RAB38: variants seen among roughly 807,000 people sequenced by gnomAD.
RAB38 encodes RAB38, member RAS oncogene family.
RAB38 carries 15 observed loss-of-function variants against 18.4 expected under a neutral mutation model. The observed-to-expected ratio is 0.82, with a 90% confidence interval of 0.55 to 1.26. RAB38 has a LOEUF of 1.26. Among genes scored for constraint, RAB38 ranks in the 50% most tolerant of loss-of-function variants. The pLI is 0.00. For synonymous variants in RAB38, 101 were observed against 104.4 expected (o/e 0.97, Z 0.20); for missense variants, 294 against 267.4 (o/e 1.10, Z -0.69).
At chr11:88,073,814 G>T in the RAB38 span, among the ~76,000 whole-genome samples, 1 of 151,722 alleles carries the variant, frequency 6.6e-6, no homozygotes, top group East Asian at 1.9e-4. Flanking sequence ...GTTTATCAGA[G>T]AATTTATTGA....
chr11:88,022,621 A>AAAAAAAC, the RAB38 span, among the ~76,000 whole-genome samples: 2 of 149,554 alleles, frequency 1.3e-5, no homozygotes, highest in South Asian at 2.1e-4. Context: ...CAAAAAAAAA[A>AAAAAAAC]AAAAAAAAAA....
the RAB38 span, among the ~76,000 whole-genome samples, chr11:87,851,492 C>A: frequency 6.6e-6 from 1 of 152,170 alleles, no homozygotes; most frequent in African/African-American, 2.4e-5. Flanking sequence ...GAAAGATAAA[C>A]TGTTTTCATT....
At chr11:87,841,777 C>A in the RAB38 span, among the ~76,000 whole-genome samples, 2 of 152,144 alleles carry the variant, frequency 1.3e-5, no homozygotes, top group Non-Finnish European at 2.9e-5. Flanking sequence ...AAAAGGGGTG[C>A]TAACTGATTG....
At chr11:88,047,076 T>TA in the RAB38 span, among the ~76,000 whole-genome samples, 2 of 152,182 alleles carry the variant, frequency 1.3e-5, no homozygotes, top group African/African-American at 4.8e-5. Context: ...TAGAGGCCCT[T>TA]AAAATCACAA....
the RAB38 span, among the ~76,000 whole-genome samples, chr11:87,935,155 A>G: frequency 1.3e-5 from 2 of 152,086 alleles, no homozygotes; most frequent in African/African-American, 4.8e-5. Flanking sequence ...CTATATGACA[A>G]GTTACTGAAA....
In RAB38 at chr11:88,141,583, A is replaced by G. The variant is rs145668279; in HGVS notation, c.483+8092T>C. On this transcript the variant is annotated intron_variant, in intron 2 of 2. Coordinates refer to ENST00000243662, the MANE Select transcript of RAB38 (RefSeq NM_022337.3). ...AATATGGTCATCCTTTGATTTTTGG[A>G]CATTACTAAGAAACTGTTGAATCTT... Among the ~76,000 whole-genome samples the G allele has an allele frequency of 3.4e-3, 515 of 152,300 alleles. 5 individuals carry two copies. The highest frequency in any genetic ancestry group is 0.012 in the African/African-American group (481 of 41,556).
chr11:88,097,480 T>C, the RAB38 span, among the ~76,000 whole-genome samples: 1 of 151,734 alleles, frequency 6.6e-6, no homozygotes, highest in South Asian at 2.1e-4. Flanking sequence ...TAACCAAGAA[T>C]AGAGAGTGGA....
At chr11:88,134,004 A>C (rs1942799727) in intron 2 of RAB38, among the ~76,000 whole-genome samples, 1 of 152,208 alleles carries the variant, frequency 6.6e-6, no homozygotes, top group Non-Finnish European at 1.5e-5. Context: ...TTCCCAAGGT[A>C]ATCTCATTCC....
At chr11:87,927,069 T>C in the RAB38 span, among the ~76,000 whole-genome samples, 2 of 152,016 alleles carry the variant, frequency 1.3e-5, no homozygotes, top group Non-Finnish European at 2.9e-5. Context: ...TCATACTCAT[T>C]TATCGCAGGA....
At chr11:88,057,302 C>T in the RAB38 span, among the ~76,000 whole-genome samples, 6 of 152,168 alleles carry the variant, frequency 3.9e-5, no homozygotes, top group Non-Finnish European at 2.9e-5. Context: ...CATGCATCCT[C>T]ATTTGAAGGC....
the RAB38 span, among the ~76,000 whole-genome samples, chr11:87,920,449 A>T: frequency 6.6e-6 from 1 of 151,928 alleles, no homozygotes; most frequent in African/African-American, 2.4e-5. Flanking sequence ...ACTTTTTCTG[A>T]TATTTTTCCT....
the RAB38 span, among the ~76,000 whole-genome samples, chr11:88,060,579 GT>G: frequency 2.0e-5 from 3 of 152,176 alleles, no homozygotes; most frequent in African/African-American, 7.2e-5. Flanking sequence ...GAACAACTGA[GT>G]TGGGACTGGA....
chr11:88,159,960 AAAAC>A (rs1293181363), intron 1 of RAB38, among the ~76,000 whole-genome samples: 1 of 152,146 alleles, frequency 6.6e-6, no homozygotes, highest in Admixed American at 6.6e-5. Context: ...AATTGCAACA[AAAAC>A]AAAAACTGAC....
chr11:88,076,252 A>G, the RAB38 span, among the ~76,000 whole-genome samples: 1 of 152,062 alleles, frequency 6.6e-6, no homozygotes, highest in African/African-American at 2.4e-5. Flanking sequence ...CATACAACAA[A>G]CAGGCATAGA....
the RAB38 span, among the ~76,000 whole-genome samples, chr11:87,825,800 C>G: frequency 6.6e-6 from 1 of 152,158 alleles, no homozygotes; most frequent in Non-Finnish European, 1.5e-5. Flanking sequence ...AGGTGATTGA[C>G]TCTTTCATGG....
At chr11:87,874,686 A>C in the RAB38 span, among the ~76,000 whole-genome samples, 3 of 150,562 alleles carry the variant, frequency 2.0e-5, no homozygotes, top group Non-Finnish European at 4.4e-5. Flanking sequence ...AAATAAAATA[A>C]ATTAAAAAAT....
the RAB38 span, among the ~76,000 whole-genome samples, chr11:88,104,849 C>T: frequency 4.6e-5 from 7 of 152,018 alleles, no homozygotes; most frequent in African/African-American, 1.4e-4. Flanking sequence ...GTTTCCTTTG[C>T]CAAAGAGAAT....
the RAB38 span, among the ~76,000 whole-genome samples, chr11:88,069,248 C>T: frequency 6.6e-6 from 1 of 152,220 alleles, no homozygotes; most frequent in African/African-American, 2.4e-5. Context: ...CCCACCCGTG[C>T]TGTGCTCGAA....
downstream of RAB38, among the ~76,000 whole-genome samples, chr11:88,111,852 C>A (rs1942478666): frequency 6.6e-6 from 1 of 152,200 alleles, no homozygotes; most frequent in Admixed American, 6.6e-5. Flanking sequence ...AATGAGCTGG[C>A]AGATTCTCCG....
Sources: allele counts gnomAD v4.1 joint callset (sites outside exome capture counted in the v4.1 genomes callset), GRCh38; gene constraint gnomAD v4.1.1; transcripts MANE v1.5; gene names NCBI Gene and HGNC (gene_info 2026-07-23, HGNC 2026-07-21).